The following KIF6 variants were observed in gnomAD, a reference collection of about 807,000 sequenced individuals.
KIF6 encodes kinesin-like protein KIF6.
A neutral mutation model predicts 112.7 loss-of-function variants in KIF6; 106 were observed. The ratio of observed to expected loss-of-function variants is 0.94; its 90% CI spans 0.80 to 1.11. The LOEUF (loss-of-function observed/expected upper bound fraction) is 1.11, where lower values mean the gene tolerates loss of function less well. Ranked by LOEUF, KIF6 falls within the 50% of genes least tolerant of loss-of-function variation. The probability of loss-of-function intolerance (pLI) is 0.00; values close to 1 mark genes in which losing one functional copy is unlikely to be tolerated. For synonymous variants in KIF6, 339 were observed against 339.9 expected, an observed-to-expected ratio of 1.00 and a Z score of 0.03; for missense variants, 929 against 964.0, an observed-to-expected ratio of 0.96 and a Z score of 0.48.
intron 13 of KIF6, among the ~76,000 whole-genome samples, chr6:39,520,869 G>A (rs1196997074): frequency 2.0e-5 from 3 of 152,098 alleles, no homozygotes; most frequent in Non-Finnish European, 2.9e-5. Context: ...TCACGAACAC[G>A]AAAACCAGCT....
rs564329609 is a variant in KIF6 at position 39,532,129 on chromosome 6, C to T, written c.1645+7874G>A. Among the ~76,000 whole-genome samples the T allele has an allele frequency of 9.9e-5, 15 of 152,202 alleles. No homozygotes were observed. In the South Asian group the frequency reaches 1.7e-3, roughly 17 times the overall value. ...GTATGTGCTTTCTCAGTAATACAGA[C>T]GTGTACTTCTGTAATCGATTGTTCA... On this transcript the variant is annotated intron_variant, in intron 13 of 22. Coordinates refer to ENST00000287152, the MANE Select transcript of KIF6 (RefSeq NM_145027.6).
chr6:39,634,943 A>G lies in KIF6; in HGVS notation c.415T>C (p.Tyr139His), dbSNP rs749462233. ...EQLQKDSSKI[Y>H]TTHISYLEIY... is the part of the protein sequence containing the mutation. Reference sequence around the variant, plus strand: ...TCCAAATAGGAAATGTGTGTTGTATATATTTTGCTGCTGTCCTGATTGGAA... The same window carrying G: ...TCCAAATAGGAAATGTGTGTTGTATGTATTTTGCTGCTGTCCTGATTGGAA... The change falls in exon 5 of 23, where the codon TAT becomes CAT. Residue 139 changes from tyrosine to histidine, a missense_variant. Tyr to His is a moderately conservative substitution (Grantham distance 83). Around this residue, in one of 2 missense-constraint regions of KIF6, gnomAD observed 688 missense variants for 662.7 expected, o/e 1.04. Coordinates refer to ENST00000287152, the MANE Select transcript of KIF6 (RefSeq NM_145027.6). The G allele has an allele frequency of 6.2e-7, 1 of 1,603,810 alleles. No individual in the cohort carries two copies. Among genetic ancestry groups the G allele is most frequent in the Non-Finnish European group, 8.5e-7 (1 of 1,170,980 alleles).
intron 3 of KIF6, among the ~76,000 whole-genome samples, chr6:39,695,917 C>A (rs55720712): frequency 0.064 from 9,734 of 152,218 alleles, 664 homozygotes; most frequent in East Asian, 0.38. Flanking sequence ...CAACGGTGGA[C>A]TGGATAAAGA....
At position 39,385,614 on chromosome 6, in the gene KIF6, G is replaced by A; in HGVS notation, c.1861+8C>T. The A allele has an allele frequency of 6.2e-7, 1 of 1,609,844 alleles. No homozygotes were observed. ...CATCCTCTTCCTGCAGATTCTCTTT[G>A]TACCTACCTAGGGCTACTTGCTGTA... On this transcript the variant is annotated splice_region_variant and intron_variant, in intron 16 of 22. Transcript: ENST00000287152.
At position 39,343,491 on chromosome 6, in the gene KIF6, C is replaced by T; in HGVS notation, c.2428+218G>A. The T allele has an allele frequency of 1.3e-6, 2 of 1,494,522 alleles. No homozygotes were observed. The highest frequency in any genetic ancestry group is 2.4e-5 in the South Asian group (2 of 82,634). The allele number at this position is 1,494,522 out of a possible 1,614,324, so 92.6% of individuals were successfully genotyped here. ...AGAGGGACAGGAGCACCTGGGCCGC[C>T]CACCCACTTGGGCCTGTCTTGGTGT... On this transcript the variant is annotated intron_variant, in intron 22 of 22. Coordinates refer to ENST00000287152, the MANE Select transcript of KIF6 (RefSeq NM_145027.6). The surrounding 1 kb of genome is among the most constrained non-coding windows in gnomAD (Gnocchi z 4.1).
At chr6:39,682,739 C>A (rs1466739315) in intron 3 of KIF6, among the ~76,000 whole-genome samples, 1 of 152,088 alleles carries the variant, frequency 6.6e-6, no homozygotes, top group African/African-American at 2.4e-5. Flanking sequence ...GCCACCATAC[C>A]CAGATAATTT....
intron 14 of KIF6, among the ~76,000 whole-genome samples, chr6:39,422,724 C>T (rs1472229422): frequency 3.9e-5 from 6 of 152,206 alleles, no homozygotes. Context: ...CCTGGCCCAC[C>T]TGCATCTCCA....
intron 3 of KIF6, among the ~76,000 whole-genome samples, chr6:39,648,732 T>C (rs1487462692): frequency 6.6e-6 from 1 of 152,214 alleles, no homozygotes; most frequent in Non-Finnish European, 1.5e-5. Flanking sequence ...TCCATGCGAA[T>C]GCCGGTGCCC....
At chr6:39,462,842 A>G (rs1160871588) in intron 13 of KIF6, among the ~76,000 whole-genome samples, 5 of 152,196 alleles carry the variant, frequency 3.3e-5, no homozygotes, top group Non-Finnish European at 5.9e-5. Flanking sequence ...GAAAATATTC[A>G]GTTAATTTTC....
intron 13 of KIF6, among the ~76,000 whole-genome samples, chr6:39,461,538 T>C (rs1330358687): frequency 6.6e-6 from 1 of 152,132 alleles, no homozygotes; most frequent in East Asian, 1.9e-4. Context: ...AAAGGTGAAA[T>C]TAATTTTAAT....
intron 3 of KIF6, among the ~76,000 whole-genome samples, chr6:39,667,419 C>G (rs1786543156): frequency 6.6e-6 from 1 of 152,108 alleles, no homozygotes; most frequent in South Asian, 2.1e-4. Context: ...TTTTCTCTGG[C>G]CAGCACCAAT....
chr6:39,337,054 TTC>T (rs1311583378), intron 22 of KIF6, among the ~76,000 whole-genome samples: 1 of 85,056 alleles, frequency 1.2e-5, no homozygotes, highest in Non-Finnish European at 2.8e-5. Context: ...TCCTTTTTCT[TTC>T]TTTCTTTCTT....
intron 9 of KIF6, among the ~76,000 whole-genome samples, chr6:39,582,202 A>C (rs993421645): frequency 1.3e-5 from 2 of 152,188 alleles, no homozygotes; most frequent in Non-Finnish European, 2.9e-5. Context: ...TTATTGAATA[A>C]AAATCTCAAA....
rs1763380502 is a variant in KIF6 at position 39,342,593 on chromosome 6, AG to A, written c.2428+1115del. 2.1e-5 allele frequency among the ~76,000 whole-genome samples: 3 copies of A among 141,556 alleles called. No homozygotes were observed. Among genetic ancestry groups the A allele is most frequent in the African/African-American group, 8.7e-5 (3 of 34,336 alleles). The allele number at this position is 141,556 out of a possible 152,430, so 92.9% of individuals were successfully genotyped here. ...TGGGGACTTGGAGATCACTGAATCC[AG>A]TTTTTTATTTTTTTTTATTTTTTTT... On this transcript the variant is annotated intron_variant, in intron 22 of 22. Coordinates refer to ENST00000287152, the MANE Select transcript of KIF6 (RefSeq NM_145027.6). This position sits in a 1 kb window ranked among gnomAD's most constrained non-coding sequence, Gnocchi z 4.7.
At chr6:39,590,721 G>C (rs1277926627) in intron 7 of KIF6, among the ~76,000 whole-genome samples, 2 of 152,048 alleles carry the variant, frequency 1.3e-5, no homozygotes, top group East Asian at 3.8e-4. Flanking sequence ...AAAGTGCTGG[G>C]ATTACAGGCA....
intron 20 of KIF6, 134 bp from the exon 21 acceptor site, chr6:39,345,923 A>G: frequency 1.5e-6 from 1 of 646,634 alleles, no homozygotes; most frequent in South Asian, 1.9e-5. Context: ...CCTAATTCCC[A>G]GTGTGATGGC....
At chr6:39,582,618 T>C (rs926284489) in intron 9 of KIF6, among the ~76,000 whole-genome samples, 1 of 152,134 alleles carries the variant, frequency 6.6e-6, no homozygotes, top group Admixed American at 6.5e-5. Flanking sequence ...TTTCTCCATG[T>C]TGATCCAGCT....
At chr6:39,579,569 A>C (rs745692841) in intron 9 of KIF6, among the ~76,000 whole-genome samples, 1 of 152,110 alleles carries the variant, frequency 6.6e-6, no homozygotes, top group Non-Finnish European at 1.5e-5. Context: ...GAAAGTTCAG[A>C]ATTTCAATAT....
intron 3 of KIF6, among the ~76,000 whole-genome samples, chr6:39,677,589 A>G (rs1280622092): frequency 2.7e-5 from 4 of 147,958 alleles, no homozygotes; most frequent in Admixed American, 2.7e-4. Context: ...TGTGCAGGTT[A>G]GTTACATATG....
Sources: allele counts gnomAD v4.1 joint callset (sites outside exome capture counted in the v4.1 genomes callset), GRCh38; gene constraint gnomAD v4.1.1; regional missense constraint gnomAD v4.1.1; non-coding constraint Gnocchi (gnomAD v3.1); transcripts MANE v1.5; gene names NCBI Gene and HGNC (gene_info 2026-07-23, HGNC 2026-07-21).